Variants in DST observed in about 807,000 individuals in gnomAD.
The protein encoded by DST is dystonin.
A neutral mutation model predicts 875.2 loss-of-function variants in DST; 253 were observed. That is an observed-to-expected ratio of 0.29 (90% CI 0.26 to 0.32). The LOEUF is 0.32. DST is among the 10% of genes least tolerant of loss of function. The probability of loss-of-function intolerance (pLI) is 1.00; values close to 1 mark genes in which losing one functional copy is unlikely to be tolerated. For missense variants in DST, 8,287 were observed against 9,111.6 expected (o/e 0.91, Z 3.68); for synonymous variants, 3,124 against 3,197.1 (o/e 0.98, Z 0.77).
intron 63 of DST, among the ~76,000 whole-genome samples, chr6:56,532,886 ATC>A (rs1164466322): frequency 6.6e-6 from 1 of 152,228 alleles, no homozygotes; most frequent in Non-Finnish European, 1.5e-5. Context: ...TTCAACAACT[ATC>A]TGTCCTGTCA....
Position 56,459,036 on chromosome 6 carries a change from G to A in DST, c.23426C>T (p.Ala7809Val), listed in dbSNP as rs2094188631. The change falls in exon 104 of 104, where the codon GCC becomes GTC. Residue 7809 changes from alanine to valine, a missense_variant. Coordinates refer to ENST00000680361, the MANE Select transcript of DST (RefSeq NM_001374736.1). ...KIPTPQRKSP[A>V]SKLDKSSKR ...CTTTGAGGACTTGTCCAATTTGCTG[G>A]CAGGTGATTTCCTCTGGGGCGTGGG... is the stretch of plus-strand genomic sequence containing the variant. The A allele has an allele frequency of 1.9e-6, 3 of 1,612,282 alleles. No homozygotes were observed. In the South Asian group the frequency reaches 3.3e-5, roughly 18 times the overall value.
chr6:56,529,703 C>G lies in DST; in HGVS notation c.17340G>C (p.Lys5780Asn), dbSNP rs200304225. ...HQAVSIGQSL[K>N]VLSSREDKDM... Reference sequence around the variant, plus strand: ...CTTTATCCTCCCTGGAGCTCAAAACCTTTAAGGACTGGCCAATGCTAACAG... The same window carrying G: ...CTTTATCCTCCCTGGAGCTCAAAACGTTTAAGGACTGGCCAATGCTAACAG... Residue 5780 changes from lysine (K) to asparagine (N), a missense_variant, in exon 66 of 104, where the codon AAG becomes AAC. By Grantham distance (94) the Lys-to-Asn change is moderately conservative (BLOSUM62 0). Around this residue, in one of 10 missense-constraint regions of DST, gnomAD observed 777 missense variants for 764.8 expected, o/e 1.02. Transcript: ENST00000680361. 6.2e-7 allele frequency: 1 copy of G among 1,613,248 alleles called. No individual in the cohort carries two copies. The highest frequency in any genetic ancestry group is 1.1e-5 in the South Asian group (1 of 90,952).
chr6:56,873,386 G>A (rs1016947701), intron 3 of DST, among the ~76,000 whole-genome samples: 1 of 152,078 alleles, frequency 6.6e-6, no homozygotes, highest in African/African-American at 2.4e-5. Context: ...GTGCTTTTGA[G>A]GTCTTACTGA....
Position 56,492,917 on chromosome 6 carries a change from T to C in DST, c.20550+17A>G. Reference sequence around the variant, plus strand: ...GTGTCTGAAAAGAGAATCCTATCTATTTGACTCACTACATACCTTGTGTTC... The same window carrying C: ...GTGTCTGAAAAGAGAATCCTATCTACTTGACTCACTACATACCTTGTGTTC... On this transcript the variant is annotated intron_variant, in intron 84 of 103. Coordinates refer to ENST00000680361, the MANE Select transcript of DST (RefSeq NM_001374736.1). 3 of 1,536,954 alleles carry C rather than the reference T, an allele frequency of 2.0e-6. No homozygotes were observed. Among genetic ancestry groups the C allele is most frequent in the Non-Finnish European group, 2.6e-6 (3 of 1,144,726 alleles).
intron 9 of DST, chr6:56,692,339 G>T: frequency 2.0e-6 from 2 of 978,374 alleles, no homozygotes; most frequent in Non-Finnish European, 2.7e-6. Context: ...TCTGATGTGA[G>T]CACCTGGAAC....
At chr6:56,679,281 G>T (rs2099145576) in intron 9 of DST, among the ~76,000 whole-genome samples, 1 of 151,962 alleles carries the variant, frequency 6.6e-6, no homozygotes, top group African/African-American at 2.4e-5. Flanking sequence ...GATCAATCCA[G>T]CTGCACGTCT....
At chr6:56,619,939 T>C in intron 36 of DST, 1 of 1,614,190 alleles carries the variant, frequency 6.2e-7, no homozygotes, top group Admixed American at 1.7e-5. Context: ...CTACCTGCTG[T>C]TTGAGTTCTT....
At chr6:56,905,495 G>T (rs1241110354) in intron 2 of DST, among the ~76,000 whole-genome samples, 1 of 152,060 alleles carries the variant, frequency 6.6e-6, no homozygotes, top group Non-Finnish European at 1.5e-5. Context: ...TTATATAAAT[G>T]GAATCATTCA....
intron 4 of DST, among the ~76,000 whole-genome samples, chr6:56,821,260 T>G (rs982213392): frequency 6.6e-6 from 1 of 152,224 alleles, no homozygotes; most frequent in African/African-American, 2.4e-5. Context: ...TGGGATCTAG[T>G]GCAATACATG....
In DST at chr6:56,639,266, G is replaced by A. The variant is rs779735023; in HGVS notation, c.2957C>T (p.Thr986Ile). ...TACACTTTCCAGCTTTACCTCAATA[G>A]TTAACCGGGCTGGATGATTTTCTAG... ...LLLENHPARL[T>I]IEAYRAAMQT... Residue 986 changes from threonine to isoleucine, a missense_variant, in exon 22 of 104, where the codon ACT (threonine) becomes ATT (isoleucine). Physicochemically the swap from Thr to Ile is moderately conservative, Grantham distance 89. Around this residue, in one of 10 missense-constraint regions of DST, gnomAD observed 1,160 missense variants for 1,424.3 expected, o/e 0.81. Transcript: ENST00000680361. The A allele has an allele frequency of 2.5e-6, 4 of 1,612,394 alleles. No individual in the cohort carries two copies. Among genetic ancestry groups the A allele is most frequent in the Non-Finnish European group, 3.4e-6 (4 of 1,178,580 alleles).
Position 56,463,175 on chromosome 6 carries a change from A to G in DST, c.22960-19T>C. The stretch of plus-strand genomic sequence containing the variant: ...GGAGAATCTGTATGGAACAATGGCA[A>G]ATCAAATGAAAAGGATAGCAGATAA... On this transcript the variant is annotated intron_variant, in intron 101 of 103. Coordinates refer to ENST00000680361, the MANE Select transcript of DST (RefSeq NM_001374736.1). 1 of 1,451,612 alleles carries G rather than the reference A, an allele frequency of 6.9e-7. No individual in the cohort carries two copies. The highest frequency in any genetic ancestry group is 9.7e-7 in the Non-Finnish European group (1 of 1,033,940). The allele number at this position is 1,451,612 out of a possible 1,614,324, so 89.9% of individuals were successfully genotyped here. A position where few individuals can be genotyped will look rare whatever the true frequency, so the allele number is the denominator to read the frequency against.
At chr6:56,628,574 A>G (rs1440039466) in intron 32 of DST, among the ~76,000 whole-genome samples, 1 of 152,214 alleles carries the variant, frequency 6.6e-6, no homozygotes, top group African/African-American at 2.4e-5. Flanking sequence ...AGTATTTTCC[A>G]GGAGCTGTGA....
chr6:56,900,424 C>A lies in DST; in HGVS notation c.414G>T (p.Arg138Ser), dbSNP rs1793543420. Residue 138 changes from arginine (R) to serine (S), a missense_variant, in exon 3 of 104, where the codon AGG becomes AGT. By Grantham distance (110) the Arg-to-Ser change is moderately radical. Transcript: ENST00000680361. ...TAAAAGACAGTTCTCTACTTACAGG[C>A]CTCCTGATTGAAGCACCTTGAACAG... is the stretch of plus-strand genomic sequence containing the variant. ...YHSVQGASIR[R>S]PSSGNASYRC... 9 of 1,367,306 alleles carry A rather than the reference C, an allele frequency of 6.6e-6. No homozygotes were observed. The highest frequency in any genetic ancestry group is 8.8e-6 in the Non-Finnish European group (9 of 1,021,682). 84.7% of individuals were successfully genotyped at this position (1,367,306 alleles called of 1,614,324 possible).
At chr6:56,677,202 T>C (rs1287689020) in intron 9 of DST, among the ~76,000 whole-genome samples, 2 of 152,208 alleles carry the variant, frequency 1.3e-5, no homozygotes, top group Admixed American at 6.5e-5. Context: ...AACAGTCATA[T>C]CAAGTGCTTA....
chr6:56,938,385 A>G (rs1468682733), intron 2 of DST, among the ~76,000 whole-genome samples: 1 of 151,996 alleles, frequency 6.6e-6, no homozygotes, highest in Non-Finnish European at 1.5e-5. Context: ...CAGCCTCCCA[A>G]AGCACTGGGA....
In DST at chr6:56,553,161, G is replaced by T; in HGVS notation, c.15631C>A (p.Leu5211Met). 6.2e-7 allele frequency: 1 copy of T among 1,613,970 alleles called. No individual in the cohort carries two copies. The highest frequency in any genetic ancestry group is 1.1e-5 in the South Asian group (1 of 91,080). ...GENSIAKLKS[L>M]QKEMDQHFGM... ...AAGTGTTGGTCCATTTCCTTCTGCA[G>T]AGACTTTAACTTGGCAATAGAATTC... Residue 5211 changes from leucine to methionine, a missense_variant, in exon 61 of 104, where the codon CTG (leucine) becomes ATG (methionine). Coordinates refer to ENST00000680361, the MANE Select transcript of DST (RefSeq NM_001374736.1).
rs781186460 is a variant in DST, at chr6:56,463,031, G to A, written c.23070+15C>T. 2.0e-6 allele frequency: 3 copies of A among 1,484,454 alleles called. No individual in the cohort carries two copies. The highest frequency in any genetic ancestry group is 2.3e-5 in the South Asian group (2 of 86,220). 92.0% of individuals were successfully genotyped at this position (1,484,454 alleles called of 1,614,324 possible). On this transcript the variant is annotated intron_variant, in intron 102 of 103. Transcript: ENST00000680361. ...AAGGAGAATGTTAAGACTGGACTCT[G>A]GGGCCTTACAATACCTCTGCAGATG... is the stretch of plus-strand genomic sequence containing the variant.
Position 56,582,183 on chromosome 6 carries a change from T to C in DST, c.12904-3246A>G, listed in dbSNP as rs537126462. ...ATGTGTTCTACCTAAAATATACATC[T>C]GACCACATATCACCCCTGATATAGT... On this transcript the variant is annotated intron_variant, in intron 49 of 103. Coordinates refer to ENST00000680361, the MANE Select transcript of DST (RefSeq NM_001374736.1). Among the ~76,000 whole-genome samples the C allele has an allele frequency of 4.6e-5, 7 of 152,208 alleles. No homozygotes were observed. The East Asian group carries it at 1.4e-3, about 29-fold the overall frequency.
At chr6:56,765,691 T>C (rs1307463563) in intron 4 of DST, among the ~76,000 whole-genome samples, 3 of 152,180 alleles carry the variant, frequency 2.0e-5, no homozygotes, top group African/African-American at 7.2e-5. Flanking sequence ...AACAGAGATC[T>C]TGAGGTACTG....
Sources: allele counts gnomAD v4.1 joint callset (sites outside exome capture counted in the v4.1 genomes callset), GRCh38; gene constraint gnomAD v4.1.1; regional missense constraint gnomAD v4.1.1; transcripts MANE v1.5; gene names NCBI Gene and HGNC (gene_info 2026-07-23, HGNC 2026-07-21).